Variants in DERA observed in about 807,000 individuals in gnomAD.
DERA encodes 2-deoxy-D-ribose 5-phosphate aldolase.
A neutral mutation model predicts 41.1 loss-of-function variants in DERA; 15 were observed. The observed-to-expected ratio is 0.37, with a 90% CI of 0.24 to 0.56. The LOEUF (loss-of-function observed/expected upper bound fraction) is 0.56. Among genes scored for constraint, DERA ranks in the 20% least tolerant of loss-of-function variants. The pLI is 0.81. For missense variants in DERA, 396 were observed against 403.4 expected (o/e 0.98, Z 0.16); for synonymous variants, 139 against 137.4 (o/e 1.01, Z -0.08).
In DERA at chr12:16,036,356, C is replaced by A; in HGVS notation, c.875C>A (p.Thr292Asn). ...KPELFRIGAS[T>N]LLSDIERQIY... Reference sequence around the variant, plus strand: ...GAACTCTTTCGAATAGGTGCCAGTACTCTGCTCTCGGACATTGAGAGGCAG... The same window carrying A: ...GAACTCTTTCGAATAGGTGCCAGTAATCTGCTCTCGGACATTGAGAGGCAG... The change falls in exon 8 of 9, where the codon ACT (threonine) becomes AAT (asparagine). Residue 292 changes from threonine to asparagine, a missense_variant. Coordinates refer to ENST00000428559, the MANE Select transcript of DERA (RefSeq NM_015954.4). This position sits in a 1 kb window ranked among gnomAD's most constrained non-coding sequence, Gnocchi z 4.9. The A allele has an allele frequency of 6.2e-7, 1 of 1,610,244 alleles. No homozygotes were observed. The highest frequency in any genetic ancestry group is 8.5e-7 in the Non-Finnish European group (1 of 1,178,600).
In DERA at chr12:16,014,241, C is replaced by T. The variant is rs1948965780; in HGVS notation, c.638-18301C>T. 6.6e-6 allele frequency among the ~76,000 whole-genome samples: 1 copy of T among 152,134 alleles called. No homozygotes were observed. The highest frequency in any genetic ancestry group is 1.5e-5 in the Non-Finnish European group (1 of 68,038). On this transcript the variant is annotated intron_variant, in intron 6 of 8. Coordinates refer to ENST00000428559, the MANE Select transcript of DERA (RefSeq NM_015954.4). This position sits in a 1 kb window ranked among gnomAD's most constrained non-coding sequence, Gnocchi z 5.4. ...TAACGAGGAGCCAAATGTTAATCACCAAGACAGTGGGGGAAATGTCTCCAG... is the reference window on the plus strand; with the variant it reads ...TAACGAGGAGCCAAATGTTAATCACTAAGACAGTGGGGGAAATGTCTCCAG...
At chr12:16,033,581 T>TTGTGTG (rs146182174) in intron 7 of DERA, among the ~76,000 whole-genome samples, 28,062 of 127,428 alleles carry the variant, frequency 0.22, 3,514 homozygotes, top group Admixed American at 0.36. Context: ...GAGAGCAAGG[T>TTGTGTG]TGTGTGTGTG....
rs1949126225 is a variant in DERA at position 16,036,131 on chromosome 12, A to C, written c.751-101A>C. ...AAGTGAAAAGATTTTTTTTCAACAAAAGAGGGAGAGAGAGAATCAAGACTC... is the reference window on the plus strand; with the variant it reads ...AAGTGAAAAGATTTTTTTTCAACAACAGAGGGAGAGAGAGAATCAAGACTC... On this transcript the variant is annotated intron_variant, in intron 7 of 8. Coordinates refer to ENST00000428559, the MANE Select transcript of DERA (RefSeq NM_015954.4). The surrounding 1 kb of genome is among the most constrained non-coding windows in gnomAD (Gnocchi z 4.9). 8.7e-7 allele frequency: 1 copy of C among 1,144,308 alleles called. No homozygotes were observed. The highest frequency in any genetic ancestry group is 1.1e-6 in the Non-Finnish European group (1 of 876,368). The allele number at this position is 1,144,308 out of a possible 1,614,324, so 70.9% of individuals were successfully genotyped here.
chr12:15,927,165 G>T (rs1358048730), intron 1 of DERA, among the ~76,000 whole-genome samples: 1 of 152,180 alleles, frequency 6.6e-6, no homozygotes. Context: ...TCTTCATGAA[G>T]ATGGTAATAC....
rs187745150 is a variant in DERA at position 15,921,427 on chromosome 12, G to A, written c.31+10013G>A. 3.0e-4 allele frequency among the ~76,000 whole-genome samples: 46 copies of A among 152,178 alleles called. No homozygotes were observed. Among genetic ancestry groups the A allele is most frequent in the African/African-American group, 1.0e-3 (43 of 41,518 alleles). ...GAGATTAACCAGAAAGAGTAATTCC[G>A]TTAATTTTCTGGTAGAAAAAAACAT... On this transcript the variant is annotated intron_variant, in intron 1 of 8. Coordinates refer to ENST00000428559, the MANE Select transcript of DERA (RefSeq NM_015954.4). This position sits in a 1 kb window ranked among gnomAD's most constrained non-coding sequence, Gnocchi z 5.3.
At position 16,012,790 on chromosome 12, in the gene DERA, T is replaced by A. The variant is rs960685593; in HGVS notation, c.638-19752T>A. On this transcript the variant is annotated intron_variant, in intron 6 of 8. Transcript: ENST00000428559. This position sits in a 1 kb window ranked among gnomAD's most constrained non-coding sequence, Gnocchi z 4.1. ...ATGCTGTTGAACAGATATATTTAATTTAAAAATTTTTAATAACCACATTAA... is the reference window on the plus strand; with the variant it reads ...ATGCTGTTGAACAGATATATTTAATATAAAAATTTTTAATAACCACATTAA... Among the ~76,000 whole-genome samples, 3 of 152,204 alleles carry A rather than the reference T, an allele frequency of 2.0e-5. No individual in the cohort carries two copies. Among genetic ancestry groups the A allele is most frequent in the Admixed American group, 2.0e-4 (3 of 15,288 alleles).
In DERA at chr12:15,924,296, G is replaced by A. The variant is rs756263141; in HGVS notation, c.31+12882G>A. Among the ~76,000 whole-genome samples, 15 of 152,066 alleles carry A rather than the reference G, an allele frequency of 9.9e-5. No individual in the cohort carries two copies. Among genetic ancestry groups the A allele is most frequent in the Non-Finnish European group, 2.2e-4 (15 of 68,024 alleles). ...AATTAGCTGGGTGTGGTGGTATGCC[G>A]CTATGGTCACAGCTACCTTGGAAAC... On this transcript the variant is annotated intron_variant, in intron 1 of 8. Transcript: ENST00000428559. The surrounding 1 kb of genome is among the most constrained non-coding windows in gnomAD (Gnocchi z 5.0).
rs1209241026 is a variant in DERA at position 15,990,655 on chromosome 12, A to G, written c.637+8219A>G. 1.3e-5 allele frequency among the ~76,000 whole-genome samples: 2 copies of G among 151,914 alleles called. No individual in the cohort carries two copies. The highest frequency in any genetic ancestry group is 4.8e-5 in the African/African-American group (2 of 41,364). On this transcript the variant is annotated intron_variant, in intron 6 of 8. Transcript: ENST00000428559. The surrounding 1 kb of genome is among the most constrained non-coding windows in gnomAD (Gnocchi z 4.3). ...GTCTGTTATTCTCCTTGATGTGTCT[A>G]TGTGTTGTCATCATTTAGCTCCCAC...
In DERA at chr12:16,008,504, A is replaced by G. The variant is rs1003458738; in HGVS notation, c.638-24038A>G. ...GGATAACTCGTGTCCCTGGTTGCAG[A>G]GTCTGAGTGATCCCCCCAGTAAACT... is the stretch of plus-strand genomic sequence containing the variant. On this transcript the variant is annotated intron_variant, in intron 6 of 8. Coordinates refer to ENST00000428559, the MANE Select transcript of DERA (RefSeq NM_015954.4). The surrounding 1 kb of genome is among the most constrained non-coding windows in gnomAD (Gnocchi z 4.8). Among the ~76,000 whole-genome samples the G allele has an allele frequency of 6.6e-6, 1 of 152,196 alleles. No homozygotes were observed. The highest frequency in any genetic ancestry group is 1.5e-5 in the Non-Finnish European group (1 of 68,032).
chr12:15,930,747 A>G (rs911908111), intron 1 of DERA, among the ~76,000 whole-genome samples: 1 of 152,200 alleles, frequency 6.6e-6, no homozygotes, highest in East Asian at 1.9e-4. Context: ...CAGGAAATGA[A>G]GTTGTTAACA....
intron 5 of DERA, among the ~76,000 whole-genome samples, chr12:15,974,120 G>A (rs1948682098): frequency 6.6e-6 from 1 of 152,048 alleles, no homozygotes; most frequent in Non-Finnish European, 1.5e-5. Flanking sequence ...TTGGGAATAA[G>A]TTGCAGACCT....
rs376045119 is a variant in DERA at position 16,011,044 on chromosome 12, A to G, written c.638-21498A>G. On this transcript the variant is annotated intron_variant, in intron 6 of 8. Coordinates refer to ENST00000428559, the MANE Select transcript of DERA (RefSeq NM_015954.4). This position sits in a 1 kb window ranked among gnomAD's most constrained non-coding sequence, Gnocchi z 4.7. ...AATTTTCTAGCTTGCTTTGTTCAGT[A>G]AAATGTATTTCTAAATCCATTTTAA... 6.6e-6 allele frequency among the ~76,000 whole-genome samples: 1 copy of G among 152,312 alleles called. No individual in the cohort carries two copies. Among genetic ancestry groups the G allele is most frequent in the African/African-American group, 2.4e-5 (1 of 41,568 alleles).
At chr12:15,934,824 TG>T (rs1224372859) in intron 1 of DERA, among the ~76,000 whole-genome samples, 2 of 152,196 alleles carry the variant, frequency 1.3e-5, no homozygotes, top group African/African-American at 2.4e-5. Context: ...TACTTCATGC[TG>T]GGAACCTGGT....
In DERA at chr12:15,990,032, G is replaced by A. The variant is rs1948790756; in HGVS notation, c.637+7596G>A. On this transcript the variant is annotated intron_variant, in intron 6 of 8. Transcript: ENST00000428559. The surrounding 1 kb of genome is among the most constrained non-coding windows in gnomAD (Gnocchi z 4.3). The stretch of plus-strand genomic sequence containing the variant: ...TATCAATTCAAATGCAGCAAGGTAT[G>A]TGAGTGCATCATAAACTGTAAATAA... Among the ~76,000 whole-genome samples the A allele has an allele frequency of 6.6e-6, 1 of 152,340 alleles. No homozygotes were observed. Among genetic ancestry groups the A allele is most frequent in the South Asian group, 2.1e-4 (1 of 4,830 alleles).
intron 2 of DERA, 54 bp from the exon 3 acceptor site, chr12:15,958,134 G>T (rs2136147169): frequency 6.8e-7 from 1 of 1,460,010 alleles, no homozygotes; most frequent in South Asian, 1.4e-5. Flanking sequence ...GTTGGAGGTT[G>T]GTTGGTTTGT....
Position 16,010,904 on chromosome 12 carries a change from A to G in DERA, c.638-21638A>G, listed in dbSNP as rs992800874. Among the ~76,000 whole-genome samples, 4 of 146,818 alleles carry G rather than the reference A, an allele frequency of 2.7e-5. No individual in the cohort carries two copies. Among genetic ancestry groups the G allele is most frequent in the Non-Finnish European group, 5.9e-5 (4 of 67,980 alleles). The stretch of plus-strand genomic sequence containing the variant: ...TCTACCCACTTATCATCAATTGTTG[A>G]AAAAAAAGATTTATGATGACATTGA... On this transcript the variant is annotated intron_variant, in intron 6 of 8. Coordinates refer to ENST00000428559, the MANE Select transcript of DERA (RefSeq NM_015954.4). This position sits in a 1 kb window ranked among gnomAD's most constrained non-coding sequence, Gnocchi z 5.5.
At position 15,957,648 on chromosome 12, in the gene DERA, A is replaced by G. The variant is rs1043287158; in HGVS notation, c.130-540A>G. On this transcript the variant is annotated intron_variant, in intron 2 of 8. Transcript: ENST00000428559. This position sits in a 1 kb window ranked among gnomAD's most constrained non-coding sequence, Gnocchi z 4.8. The stretch of plus-strand genomic sequence containing the variant: ...GAGAGTGATAGTTCACGTTTTGCTC[A>G]TCCTTAGAAATATTCTGGTTGAAAA... Among the ~76,000 whole-genome samples the G allele has an allele frequency of 6.6e-6, 1 of 152,226 alleles. No individual in the cohort carries two copies. Among genetic ancestry groups the G allele is most frequent in the Non-Finnish European group, 1.5e-5 (1 of 68,038 alleles).
rs1382023714 is a variant in DERA at position 15,984,623 on chromosome 12, T to A, written c.637+2187T>A. Among the ~76,000 whole-genome samples, 1 of 152,190 alleles carries A rather than the reference T, an allele frequency of 6.6e-6. No homozygotes were observed. Among genetic ancestry groups the A allele is most frequent in the Non-Finnish European group, 1.5e-5 (1 of 68,028 alleles). Reference sequence around the variant, plus strand: ...GCTAATAAATAACCTGTATCACTATTTGAACACTCTGGTCTTCTGGCTCCA... The same window carrying A: ...GCTAATAAATAACCTGTATCACTATATGAACACTCTGGTCTTCTGGCTCCA... On this transcript the variant is annotated intron_variant, in intron 6 of 8. Transcript: ENST00000428559. This position sits in a 1 kb window ranked among gnomAD's most constrained non-coding sequence, Gnocchi z 4.5.
At position 16,036,717 on chromosome 12, in the gene DERA, G is replaced by GC; in HGVS notation, c.929dup (p.Ala311SerfsTer4). Reference sequence around the variant, plus strand: ...TTACCATCATGTGACTGGAAGATATGCAGCTTATCATGATCTTCCAATGTC... The same window carrying GC: ...TTACCATCATGTGACTGGAAGATATGCCAGCTTATCATGATCTTCCAATGTC... On this transcript the variant is annotated frameshift_variant, in exon 9 of 9. Coordinates refer to ENST00000428559, the MANE Select transcript of DERA (RefSeq NM_015954.4). LOFTEE classifies it high-confidence loss of function. The surrounding 1 kb of genome is among the most constrained non-coding windows in gnomAD (Gnocchi z 4.9). 1 of 1,602,282 alleles carries GC rather than the reference G, an allele frequency of 6.2e-7. No individual in the cohort carries two copies. The highest frequency in any genetic ancestry group is 8.5e-7 in the Non-Finnish European group (1 of 1,176,182).
Sources: gnomAD v4.1 joint callset for allele counts (sites outside exome capture counted in the v4.1 genomes callset) on GRCh38, gnomAD v4.1.1 for gene constraint, Gnocchi (gnomAD v3.1) non-coding constraint, MANE v1.5 for transcripts, NCBI Gene and HGNC (gene_info 2026-07-23, HGNC 2026-07-21) for gene names.